Variants in LTF observed in about 807,000 individuals in gnomAD.
The protein encoded by LTF is lactotransferrin.
LTF carries 91 observed loss-of-function variants against 87.2 expected under a neutral mutation model. The ratio of observed to expected loss-of-function variants is 1.04; its 90% confidence interval spans 0.88 to 1.24. The LOEUF is 1.24. Ranked by LOEUF, LTF falls within the 50% of genes most tolerant of loss-of-function variation. LTF has a pLI of 0.00. For synonymous variants in LTF, 378 were observed against 356.1 expected, an observed-to-expected ratio of 1.06 and a Z score of -0.69; for missense variants, 901 against 904.3, an observed-to-expected ratio of 1.00 and a Z score of 0.05.
At chr3:46,441,883 A>C (rs1020565729) in intron 13 of LTF, 1 of 173,784 alleles carries the variant, frequency 5.8e-6, no homozygotes, top group African/African-American at 2.4e-5. Context: ...GTAAATGATG[A>C]AACTGTGATA....
intron 1 of LTF, among the ~76,000 whole-genome samples, chr3:46,473,730 G>A (rs1347939051): frequency 1.3e-5 from 2 of 152,100 alleles, no homozygotes; most frequent in African/African-American, 4.8e-5. Context: ...CCTCCCTCCT[G>A]TAAGAACTGT....
rs1215773299 is a variant in LTF at position 46,446,453 on chromosome 3, A to C, written c.1344T>G (p.Asp448Glu). 6.2e-7 allele frequency: 1 copy of C among 1,613,874 alleles called. No homozygotes were observed. The highest frequency in any genetic ancestry group is 8.5e-7 in the Non-Finnish European group (1 of 1,179,854). ...ATGCCAACTCACCTTCCACAGGTCT[A>C]TCCACACAGTTAGGATCAGGGTCAC... ...QSSDPDPNCV[D>E]RPVEGYLAVA... The change falls in exon 11 of 17, where the codon GAT becomes GAG. Residue 448 changes from aspartate (D) to glutamate (E), a missense_variant. Transcript: ENST00000231751.
chr3:46,470,395 A>G (rs1041391791), exon 2 of LTF: 3 of 152,298 alleles, frequency 2.0e-5, no homozygotes, highest in Non-Finnish European at 4.4e-5. Context: ...CCCTCCTACA[A>G]GGTTGCATTC....
chr3:46,466,476 C>A (rs2106911854), upstream of LTF, among the ~76,000 whole-genome samples: 1 of 152,306 alleles, frequency 6.6e-6, no homozygotes, highest in South Asian at 2.1e-4. Flanking sequence ...AGTGAGCATG[C>A]AGTGGGCACC....
rs775399259 is a variant in LTF at position 46,445,322 on chromosome 3, G to T, written c.1472C>A (p.Pro491His). The T allele has an allele frequency of 6.2e-7, 1 of 1,613,612 alleles. No individual in the cohort carries two copies. The highest frequency in any genetic ancestry group is 1.1e-5 in the South Asian group (1 of 91,002). ...AVDRTAGWNI[P>H]MGLLFNQTGS... is the part of the protein sequence containing the mutation. Reference sequence around the variant, plus strand: ...CGTCTGGTTGAAGAGCAGGCCCATGGGGATATTCCAGCCTGCAGTCCTGTC... The same window carrying T: ...CGTCTGGTTGAAGAGCAGGCCCATGTGGATATTCCAGCCTGCAGTCCTGTC... Residue 491 changes from proline to histidine, a missense_variant, in exon 12 of 17, where the codon CCC (proline) becomes CAC (histidine). By Grantham distance (77) the Pro-to-His change is moderately conservative. Coordinates refer to ENST00000231751, the MANE Select transcript of LTF (RefSeq NM_002343.6).
Position 46,439,493 on chromosome 3 carries a change from A to G in LTF, c.1724-13T>C. The G allele has an allele frequency of 6.3e-7, 1 of 1,592,064 alleles. No individual in the cohort carries two copies. The highest frequency in any genetic ancestry group is 8.6e-7 in the Non-Finnish European group (1 of 1,166,948). On this transcript the variant is annotated splice_polypyrimidine_tract_variant and intron_variant, in intron 14 of 16. Coordinates refer to ENST00000231751, the MANE Select transcript of LTF (RefSeq NM_002343.6). ...TCATTGTTATTTCCTGGGGAGAAAA[A>G]GAAGGTGGCATCATCCACGCCTCCC...
chr3:46,443,718 A>G (rs148927257), intron 12 of LTF, 136 bp from the exon 13 acceptor site: 640 of 790,024 alleles, frequency 8.1e-4, no homozygotes, highest in Admixed American at 2.1e-3. Context: ...CACACTCACC[A>G]TCACAAAGCA....
At chr3:46,479,726 G>A (rs530079875) in intron 1 of LTF, among the ~76,000 whole-genome samples, 1 of 152,112 alleles carries the variant, frequency 6.6e-6, no homozygotes, top group Non-Finnish European at 1.5e-5. Flanking sequence ...GTTTCACCAT[G>A]GCTGGTTTCT....
At chr3:46,446,335 C>T in intron 11 of LTF, 105 bp downstream of exon 11, 1 of 861,270 alleles carries the variant, frequency 1.2e-6, no homozygotes, top group African/African-American at 1.7e-5. Context: ...AGCCCTATAG[C>T]TTCTAGGGCT....
upstream of LTF, among the ~76,000 whole-genome samples, chr3:46,467,651 T>C (rs534084564): frequency 2.0e-5 from 3 of 148,184 alleles, no homozygotes; most frequent in African/African-American, 7.5e-5. Context: ...TTTCTTTTTT[T>C]TTTTTTTTTT....
rs566876377 is a variant in LTF at position 46,449,750 on chromosome 3, C to A, written c.1057+104G>T. The A allele has an allele frequency of 5.1e-5, 62 of 1,227,602 alleles. 1 individual carries two copies. In the Admixed American group the frequency reaches 9.5e-4, roughly 19 times the overall value. 76.0% of individuals were successfully genotyped at this position (1,227,602 alleles called of 1,614,324 possible). A position where few individuals can be genotyped will look rare whatever the true frequency, so the allele number is the denominator to read the frequency against. On this transcript the variant is annotated intron_variant, in intron 8 of 16. Transcript: ENST00000231751. The stretch of plus-strand genomic sequence containing the variant: ...CCTGCATCAAACCTCCACGATGACC[C>A]CACAGTGTCTGGGAAAAGGAGTGAC...
chr3:46,450,012 T>G lies in LTF; in HGVS notation c.899A>C (p.Asp300Ala). Residue 300 changes from aspartate (D) to alanine (A), a missense_variant, in exon 8 of 17, where the codon GAC becomes GCC. Physicochemically the swap from Asp to Ala is moderately radical, Grantham distance 126 (BLOSUM62 -2). Transcript: ENST00000231751. The part of the protein sequence containing the change: ...LRQAQEKFGK[D>A]KSPKFQLFGS... Reference sequence around the variant, plus strand: ...AAAGAGCTGGAATTTCGGTGACTTGTCCTTTCCAAACTTTTCCTAATTAAG... The same window carrying G: ...AAAGAGCTGGAATTTCGGTGACTTGGCCTTTCCAAACTTTTCCTAATTAAG... The G allele has an allele frequency of 6.3e-7, 1 of 1,597,806 alleles. No homozygotes were observed. Among genetic ancestry groups the G allele is most frequent in the South Asian group, 1.1e-5 (1 of 88,682 alleles).
At chr3:46,466,103 G>C (rs1004852172), upstream of LTF, among the ~76,000 whole-genome samples, 10 of 152,280 alleles carry the variant, frequency 6.6e-5, no homozygotes, top group African/African-American at 2.4e-4. Context: ...AGCCCAGCAT[G>C]GTGGTGTATG....
In LTF at chr3:46,443,479, G is replaced by T; in HGVS notation, c.1617C>A (p.Asn539Lys). ...TGTAGCCGTAGTATCTCTCGTTGCT[G>T]TTGGGCACGCACTTATTCTCACCCT... Reference protein sequence around the residue: ...DEQGENKCVPNSNERYYGYTG... With the variant: ...DEQGENKCVPKSNERYYGYTG... The change falls in exon 13 of 17, where the codon AAC (asparagine) becomes AAA (lysine). Residue 539 changes from asparagine (N) to lysine (K), a missense_variant. Physicochemically the swap from Asn to Lys is moderately conservative, Grantham distance 94 (BLOSUM62 0). Transcript: ENST00000231751. The T allele has an allele frequency of 6.2e-7, 1 of 1,614,214 alleles. No homozygotes were observed. Among genetic ancestry groups the T allele is most frequent in the Non-Finnish European group, 8.5e-7 (1 of 1,180,040 alleles).
intron 1 of LTF, among the ~76,000 whole-genome samples, chr3:46,479,515 T>C (rs952251349): frequency 2.3e-5 from 1 of 43,026 alleles, no homozygotes; most frequent in Admixed American, 2.4e-4. Flanking sequence ...TTTCTGTTTG[T>C]TTGTTTGTTT....
At position 46,450,552 on chromosome 3, in the gene LTF, C is replaced by T. The variant is rs1281512500; in HGVS notation, c.825G>A (p.Val275=). The T allele has an allele frequency of 6.2e-7, 1 of 1,614,094 alleles. No individual in the cohort carries two copies. Among genetic ancestry groups the T allele is most frequent in the African/African-American group, 1.3e-5 (1 of 75,028 alleles). ...HLARVPSHAV[V]ARSVNGKEDA... ...CCTCCTTGCCATTCACACTTCGTGC[C>T]ACAACGGCATGAGAAGGGACCCGGG... Residue 275 remains valine (V), a synonymous_variant, in exon 7 of 17, where the codon GTG becomes GTA. Coordinates refer to ENST00000231751, the MANE Select transcript of LTF (RefSeq NM_002343.6).
chr3:46,456,163 G>A lies in LTF; in HGVS notation c.316+127C>T, dbSNP rs772930829. 2.5e-4 allele frequency: 233 copies of A among 936,072 alleles called. 3 individuals are homozygous for A. Among genetic ancestry groups the A allele is most frequent in the East Asian group, 7.8e-5 (3 of 38,544 alleles). 58.0% of individuals were successfully genotyped at this position (936,072 alleles called of 1,614,324 possible). On this transcript the variant is annotated intron_variant, in intron 3 of 16. Transcript: ENST00000231751. ...GCCTTCATCTGGCCCAGAGCCCAGC[G>A]ACTCCATTCCCTACATGTGTGATGT...
chr3:46,484,404 T>C (rs1054131423), intron 1 of LTF, among the ~76,000 whole-genome samples: 6 of 152,172 alleles, frequency 3.9e-5, no homozygotes, highest in Non-Finnish European at 8.8e-5. Context: ...CCTGTGACCA[T>C]AATCCCCATC....
At chr3:46,450,895 C>G (rs1559599733) in intron 6 of LTF, among the ~76,000 whole-genome samples, 1 of 152,294 alleles carries the variant, frequency 6.6e-6, no homozygotes, top group South Asian at 2.1e-4. Flanking sequence ...TCCTAAATCA[C>G]TTAGGCCACC....
Sources: allele counts gnomAD v4.1 joint callset (sites outside exome capture counted in the v4.1 genomes callset), GRCh38; gene constraint gnomAD v4.1.1; transcripts MANE v1.5; gene names NCBI Gene and HGNC (gene_info 2026-07-23, HGNC 2026-07-21).